Variants in ARHGAP20 observed in about 807,000 individuals in gnomAD.
The protein encoded by ARHGAP20 is Rho GTPase activating protein 20.
A neutral mutation model predicts 73.7 loss-of-function variants in ARHGAP20; 34 were observed. That is an observed-to-expected ratio of 0.46 (90% CI 0.35 to 0.61). ARHGAP20 has a LOEUF of 0.61. ARHGAP20 is among the 20% of genes least tolerant of loss of function. The probability of loss-of-function intolerance (pLI) is 0.00; values close to 1 mark genes in which losing one functional copy is unlikely to be tolerated. For missense variants in ARHGAP20, 1,314 were observed against 1,420.9 expected (o/e 0.92, Z 1.21); for synonymous variants, 523 against 518.2 (o/e 1.01, Z -0.13).
chr11:110,650,843 C>CT (rs1949334415), intron 2 of ARHGAP20, among the ~76,000 whole-genome samples: 2 of 152,124 alleles, frequency 1.3e-5, no homozygotes, highest in Admixed American at 1.3e-4. Context: ...TCTCAAAGAC[C>CT]TGGGTTGTGT....
At chr11:110,625,611 C>G (rs569400218) in intron 3 of ARHGAP20, among the ~76,000 whole-genome samples, 39 of 152,182 alleles carry the variant, frequency 2.6e-4, no homozygotes, top group African/African-American at 9.4e-4. Flanking sequence ...TAACATTCAT[C>G]TCTGGGGACC....
At chr11:110,631,850 A>G (rs1397862086) in intron 2 of ARHGAP20, among the ~76,000 whole-genome samples, 2 of 152,154 alleles carry the variant, frequency 1.3e-5, no homozygotes, top group Admixed American at 6.6e-5. Context: ...TATACCAGTC[A>G]ATCCTGACTT....
intron 11 of ARHGAP20, among the ~76,000 whole-genome samples, chr11:110,587,180 G>A (rs1285294343): frequency 6.6e-6 from 1 of 152,288 alleles, no homozygotes; most frequent in East Asian, 1.9e-4. Context: ...TTTGGTTCTT[G>A]TCCTGGTCCT....
chr11:110,672,347 T>C (rs2135070964), intron 2 of ARHGAP20, among the ~76,000 whole-genome samples: 1 of 152,208 alleles, frequency 6.6e-6, no homozygotes. Flanking sequence ...TTGAAACAGA[T>C]CACTTCACAA....
At chr11:110,632,433 C>T (rs1254565381) in intron 2 of ARHGAP20, among the ~76,000 whole-genome samples, 1 of 152,042 alleles carries the variant, frequency 6.6e-6, no homozygotes, top group African/African-American at 2.4e-5. Context: ...GAGAAGGAGT[C>T]TTGCTCTGTC....
intron 13 of ARHGAP20, among the ~76,000 whole-genome samples, chr11:110,582,702 G>A (rs1468544584): frequency 1.3e-5 from 2 of 152,100 alleles, no homozygotes; most frequent in Non-Finnish European, 2.9e-5. Context: ...TGTAAAATTG[G>A]GTAAAGAAAT....
At chr11:110,606,940 T>C (rs1294347391) in intron 8 of ARHGAP20, among the ~76,000 whole-genome samples, 191 bp from the exon 9 acceptor site, 1 of 152,040 alleles carries the variant, frequency 6.6e-6, no homozygotes, top group Non-Finnish European at 1.5e-5. Context: ...AAAGTAGTTT[T>C]AAGGAGAGGA....
intron 1 of ARHGAP20, chr11:110,711,534 C>G: frequency 5.4e-6 from 7 of 1,288,836 alleles, no homozygotes; most frequent in Non-Finnish European, 7.1e-6. Context: ...CGGAATCATC[C>G]AGGACCCTGG....
intron 2 of ARHGAP20, among the ~76,000 whole-genome samples, chr11:110,655,383 C>T (rs750798563): frequency 1.3e-5 from 2 of 152,026 alleles, no homozygotes; most frequent in Non-Finnish European, 2.9e-5. Context: ...TAATTACTAG[C>T]AGTAAAATCT....
chr11:110,679,881 T>A (rs1474417036), intron 2 of ARHGAP20, among the ~76,000 whole-genome samples: 1 of 152,288 alleles, frequency 6.6e-6, no homozygotes, highest in African/African-American at 2.4e-5. Context: ...TAATTCAATA[T>A]ACATTAAACA....
chr11:110,643,386 T>C (rs1949116650), intron 2 of ARHGAP20, among the ~76,000 whole-genome samples: 1 of 152,072 alleles, frequency 6.6e-6, no homozygotes, highest in Non-Finnish European at 1.5e-5. Context: ...CTCTTCCTTC[T>C]TGATGTGGGT....
intron 6 of ARHGAP20, among the ~76,000 whole-genome samples, 172 bp downstream of exon 6, chr11:110,614,389 C>A (rs888921451): frequency 6.6e-6 from 1 of 152,136 alleles, no homozygotes; most frequent in Non-Finnish European, 1.5e-5. Context: ...TATATGAAGA[C>A]ATACATATAA....
At chr11:110,643,700 A>C (rs1297959969) in intron 2 of ARHGAP20, among the ~76,000 whole-genome samples, 6 of 151,970 alleles carry the variant, frequency 3.9e-5, no homozygotes, top group African/African-American at 1.4e-4. Flanking sequence ...AATCTTAGAT[A>C]ATGTTCCATG....
chr11:110,645,016 T>TCTCTCTCTCTCTCTCTCTCTCTC (rs71057017), intron 2 of ARHGAP20, among the ~76,000 whole-genome samples: 1 of 151,560 alleles, frequency 6.6e-6, no homozygotes, highest in Admixed American at 6.6e-5. Flanking sequence ...TCTCTCTCTC[T>TCTCTCTCTCTCTCTCTCTCTCTC]TTTATTTTTT....
At chr11:110,630,598 A>C (rs2134956948) in intron 3 of ARHGAP20, 30 bp downstream of exon 3, 1 of 1,589,696 alleles carries the variant, frequency 6.3e-7, no homozygotes, top group South Asian at 1.1e-5. Context: ...CAATTTTATA[A>C]TGATAATCAG....
intron 3 of ARHGAP20, among the ~76,000 whole-genome samples, chr11:110,625,013 T>A (rs1438908164): frequency 1.7e-5 from 2 of 120,694 alleles, no homozygotes; most frequent in East Asian, 2.8e-4. Flanking sequence ...GGATTTATTT[T>A]TTTTTTATTT....
intron 2 of ARHGAP20, among the ~76,000 whole-genome samples, chr11:110,675,233 C>G (rs1949907246): frequency 6.6e-6 from 1 of 152,200 alleles, no homozygotes; most frequent in Admixed American, 6.5e-5. Context: ...TTGATTTTCT[C>G]AGAACATTTC....
chr11:110,627,610 T>C (rs527759886), intron 3 of ARHGAP20, among the ~76,000 whole-genome samples: 7 of 152,186 alleles, frequency 4.6e-5, no homozygotes, highest in South Asian at 2.1e-4. Context: ...AAATATCTGA[T>C]GGTAATTCTA....
In ARHGAP20 at chr11:110,578,572, T is replaced by C; in HGVS notation, c.*798A>G. 1.0e-6 allele frequency: 1 copy of C among 985,430 alleles called. No homozygotes were observed. The highest frequency in any genetic ancestry group is 4.7e-5 in the South Asian group (1 of 21,290). The allele number at this position is 985,430 out of a possible 1,614,324, so 61.0% of individuals were successfully genotyped here. A position where few individuals can be genotyped will look rare whatever the true frequency, so the allele number is the denominator to read the frequency against. On this transcript the variant is annotated 3_prime_UTR_variant, in exon 15 of 15. Coordinates refer to ENST00000683387, the MANE Select transcript of ARHGAP20 (RefSeq NM_001384657.1). ...CACCTTCTAAATAGAAGAAGTTGCA[T>C]TTCTGAAGAATGTTCCTAGGCAGAG...
Sources: gnomAD v4.1 joint callset for allele counts (sites outside exome capture counted in the v4.1 genomes callset) on GRCh38, gnomAD v4.1.1 for gene constraint, MANE v1.5 for transcripts, NCBI Gene and HGNC (gene_info 2026-07-23, HGNC 2026-07-21) for gene names.